PGK2: variants seen among roughly 807,000 people sequenced by gnomAD.
PGK2 encodes epididymis secretory protein Li 272.
A neutral mutation model predicts 5.2 loss-of-function variants in PGK2; 5 were observed. The observed-to-expected ratio is 0.96, with a 90% CI of 0.50 to 2.01. The LOEUF (loss-of-function observed/expected upper bound fraction) is 2.01, where lower values mean the gene tolerates loss of function less well. PGK2 is among the 30% of genes most tolerant of loss of function. The pLI, the probability that PGK2 is intolerant of heterozygous loss-of-function variation, is 0.01. For synonymous variants in PGK2, 210 were observed against 182.6 expected (o/e 1.15, Z -1.21); for missense variants, 588 against 506.8 (o/e 1.16, Z -1.54).
chr6:49,786,136 C>G lies in PGK2; in HGVS notation c.1052G>C (p.Gly351Ala), dbSNP rs1769901114. Residue 351 changes from glycine to alanine, a missense_variant, in exon 1 of 1, where the codon GGA becomes GCA. Transcript: ENST00000304801. ...GVFEWDAFAKGTKALMDEIVK... is the reference protein window; with the variant it reads ...GVFEWDAFAKATKALMDEIVK... The stretch of plus-strand genomic sequence containing the variant: ...AATTTCATCCATGAGGGCTTTGGTT[C>G]CCTTAGCAAAGGCATCCCATTCAAA... 6.2e-7 allele frequency: 1 copy of G among 1,613,982 alleles called. No homozygotes were observed. Among genetic ancestry groups the G allele is most frequent in the African/African-American group, 1.3e-5 (1 of 74,898 alleles).
Position 49,786,264 on chromosome 6 carries a change from A to C in PGK2, c.924T>G (p.Ser308=). 1.2e-6 allele frequency: 2 copies of C among 1,614,172 alleles called. No individual in the cohort carries two copies. Among genetic ancestry groups the C allele is most frequent in the South Asian group, 2.2e-5 (2 of 91,084 alleles). Residue 308 remains serine, a synonymous_variant, in exon 1 of 1, where the codon TCT becomes TCG. Coordinates refer to ENST00000304801, the MANE Select transcript of PGK2 (RefSeq NM_138733.5). ...VGKATVASGI[S]PGWMGLDCGP... ...CACAGTCCAAACCCATCCAGCCAGG[A>C]GATATGCCAGATGCTACAGTGGCTT...
In PGK2 at chr6:49,785,783, G is replaced by C. The variant is rs1048829902; in HGVS notation, c.*151C>G. 3.2e-6 allele frequency: 2 copies of C among 633,630 alleles called. No individual in the cohort carries two copies. The highest frequency in any genetic ancestry group is 4.0e-5 in the South Asian group (2 of 50,282). 39.3% of individuals were successfully genotyped at this position (633,630 alleles called of 1,614,324 possible). A position where few individuals can be genotyped will look rare whatever the true frequency, so the allele number is the denominator to read the frequency against. ...CCAAACTAAAATGAATTGCTGTGCT[G>C]ATATTAAGAGTTCCTGATGGCCTGC... is the stretch of plus-strand genomic sequence containing the variant. On this transcript the variant is annotated 3_prime_UTR_variant, in exon 1 of 1. Coordinates refer to ENST00000304801, the MANE Select transcript of PGK2 (RefSeq NM_138733.5).
rs145382583 is a variant in PGK2 at position 49,787,109 on chromosome 6, C to A, written c.79G>T (p.Val27Phe). ...KRVIMRVDFN[V>F]PMKKNQITNN... ...GTAATCTGGTTCTTCTTCATGGGAA[C>A]ATTGAAGTCTACTCTCATGATGACT... The change falls in exon 1 of 1, where the codon GTT (valine) becomes TTT (phenylalanine). Residue 27 changes from valine to phenylalanine, a missense_variant. Val to Phe is a conservative substitution (Grantham distance 50). Coordinates refer to ENST00000304801, the MANE Select transcript of PGK2 (RefSeq NM_138733.5). 3.1e-6 allele frequency: 5 copies of A among 1,613,460 alleles called. No individual in the cohort carries two copies. Among genetic ancestry groups the A allele is most frequent in the South Asian group, 1.1e-5 (1 of 91,072 alleles).
rs776872781 is a variant in PGK2, at chr6:49,786,021, G to T, written c.1167C>A (p.Val389=). The change falls in exon 1 of 1, where the codon GTC becomes GTA. Residue 389 remains valine, a synonymous_variant. Transcript: ENST00000304801. ...CACCGCCTCCAGTGCTGACATGGCT[G>T]ACTTTATCTTCAGTGTTCCATTTGG... The part of the protein sequence containing the change: ...CCAKWNTEDK[V]SHVSTGGGAS... The T allele has an allele frequency of 6.2e-7, 1 of 1,614,002 alleles. No individual in the cohort carries two copies. The highest frequency in any genetic ancestry group is 8.5e-7 in the Non-Finnish European group (1 of 1,179,970).
At position 49,787,282 on chromosome 6, in the gene PGK2, CT is replaced by C; in HGVS notation, c.-96del. 1.2e-6 allele frequency: 1 copy of C among 837,124 alleles called. No individual in the cohort carries two copies. The highest frequency in any genetic ancestry group is 2.0e-6 in the Non-Finnish European group (1 of 512,500). 51.9% of individuals were successfully genotyped at this position (837,124 alleles called of 1,614,324 possible). A position where few individuals can be genotyped will look rare whatever the true frequency, so the allele number is the denominator to read the frequency against. On this transcript the variant is annotated 5_prime_UTR_variant, in exon 1 of 1. Transcript: ENST00000304801. Reference sequence around the variant, plus strand: ...CTGGGTCGGTGGTGACTTCTAACGCCTTTGCCCTTGTCCCGCCCCTTTCTTC... The same window carrying C: ...CTGGGTCGGTGGTGACTTCTAACGCCTTGCCCTTGTCCCGCCCCTTTCTTC...
Position 49,786,899 on chromosome 6 carries a change from T to C in PGK2, c.289A>G (p.Lys97Glu). The change falls in exon 1 of 1, where the codon AAG becomes GAG. Residue 97 changes from lysine (K) to glutamate (E), a missense_variant. Coordinates refer to ENST00000304801, the MANE Select transcript of PGK2 (RefSeq NM_138733.5). ...TCCACTTCTGCGCCTACACAGTCCTTCAGGAACAGAACATCCTTGCCCAGC... is the reference window on the plus strand; with the variant it reads ...TCCACTTCTGCGCCTACACAGTCCTCCAGGAACAGAACATCCTTGCCCAGC... ...SLLGKDVLFL[K>E]DCVGAEVEKA... 1 of 1,614,040 alleles carries C rather than the reference T, an allele frequency of 6.2e-7. No homozygotes were observed. Among genetic ancestry groups the C allele is most frequent in the Non-Finnish European group, 8.5e-7 (1 of 1,179,996 alleles).
Position 49,786,296 on chromosome 6 carries a change from C to T in PGK2, c.892G>A (p.Val298Ile). ...TGDKFDENAQVGKATVASGIS... is the reference protein window; with the variant it reads ...TGDKFDENAQIGKATVASGIS... The stretch of plus-strand genomic sequence containing the variant: ...CCAGATGCTACAGTGGCTTTTCCAA[C>T]CTGAGCGTTCTCGTCAAACTTGTCC... Residue 298 changes from valine (V) to isoleucine (I), a missense_variant, in exon 1 of 1, where the codon GTT becomes ATT. Physicochemically the swap from Val to Ile is conservative, Grantham distance 29. Coordinates refer to ENST00000304801, the MANE Select transcript of PGK2 (RefSeq NM_138733.5). 1 of 1,614,148 alleles carries T rather than the reference C, an allele frequency of 6.2e-7. No homozygotes were observed. The highest frequency in any genetic ancestry group is 1.3e-5 in the African/African-American group (1 of 75,052).
chr6:49,787,106 G>C lies in PGK2; in HGVS notation c.82C>G (p.Pro28Ala). The C allele has an allele frequency of 6.2e-7, 1 of 1,613,242 alleles. No homozygotes were observed. Among genetic ancestry groups the C allele is most frequent in the East Asian group, 2.2e-5 (1 of 44,872 alleles). Reference sequence around the variant, plus strand: ...TTTGTAATCTGGTTCTTCTTCATGGGAACATTGAAGTCTACTCTCATGATG... The same window carrying C: ...TTTGTAATCTGGTTCTTCTTCATGGCAACATTGAAGTCTACTCTCATGATG... ...RVIMRVDFNVPMKKNQITNNQ... is the reference protein window; with the variant it reads ...RVIMRVDFNVAMKKNQITNNQ... Residue 28 changes from proline (P) to alanine (A), a missense_variant, in exon 1 of 1, where the codon CCC (proline) becomes GCC (alanine). Physicochemically the swap from Pro to Ala is conservative, Grantham distance 27 (BLOSUM62 -1). Transcript: ENST00000304801.
chr6:49,786,385 T>A lies in PGK2; in HGVS notation c.803A>T (p.Asp268Val). The A allele has an allele frequency of 5.6e-6, 9 of 1,614,104 alleles. No individual in the cohort carries two copies. Among genetic ancestry groups the A allele is most frequent in the Non-Finnish European group, 7.6e-6 (9 of 1,179,956 alleles). ...FDEEGAKIVK[D>V]IMAKAQKNGV... ...ATTCTTTTGTGCTTTGGCCATGATA[T>A]CTTTAACGATCTTGGCTCCCTCTTC... The change falls in exon 1 of 1, where the codon GAT becomes GTT. Residue 268 changes from aspartate (D) to valine (V), a missense_variant. Coordinates refer to ENST00000304801, the MANE Select transcript of PGK2 (RefSeq NM_138733.5).
rs1582220949 is a variant in PGK2 at position 49,785,684 on chromosome 6, A to G, written c.*250T>C. On this transcript the variant is annotated 3_prime_UTR_variant, in exon 1 of 1. Coordinates refer to ENST00000304801, the MANE Select transcript of PGK2 (RefSeq NM_138733.5). ...CTTCAGCTCACTTTCTTTAATAGGC[A>G]ACTTAAGAATATGTCCTCCCTAGAT... 1 of 397,498 alleles carries G rather than the reference A, an allele frequency of 2.5e-6. No homozygotes were observed. The highest frequency in any genetic ancestry group is 3.6e-5 in the East Asian group (1 of 27,756). The allele number at this position is 397,498 out of a possible 1,614,324, so 24.6% of individuals were successfully genotyped here. A position where few individuals can be genotyped will look rare whatever the true frequency, so the allele number is the denominator to read the frequency against.
chr6:49,786,068 C>T lies in PGK2; in HGVS notation c.1120G>A (p.Gly374Arg). Residue 374 changes from glycine (G) to arginine (R), a missense_variant, in exon 1 of 1, where the codon GGA becomes AGA. By Grantham distance (125) the Gly-to-Arg change is moderately radical. Coordinates refer to ENST00000304801, the MANE Select transcript of PGK2 (RefSeq NM_138733.5). ...TTGGCACAGCAAGTAGCAGTGTCTC[C>T]ACCCCCTATAACAGTGATGCAGCCC... ...SKGCITVIGG[G>R]DTATCCAKWN... The T allele has an allele frequency of 6.2e-7, 1 of 1,614,112 alleles. No homozygotes were observed. The highest frequency in any genetic ancestry group is 8.5e-7 in the Non-Finnish European group (1 of 1,180,006).
At position 49,785,815 on chromosome 6, in the gene PGK2, T is replaced by C; in HGVS notation, c.*119A>G. Reference sequence around the variant, plus strand: ...AGAGTTCCTGATGGCCTGCTGCTTGTCCATTACATAGGTCTTGATCTAGGA... The same window carrying C: ...AGAGTTCCTGATGGCCTGCTGCTTGCCCATTACATAGGTCTTGATCTAGGA... On this transcript the variant is annotated 3_prime_UTR_variant, in exon 1 of 1. Transcript: ENST00000304801. 1.3e-6 allele frequency: 1 copy of C among 754,816 alleles called. No individual in the cohort carries two copies. The highest frequency in any genetic ancestry group is 2.2e-6 in the Non-Finnish European group (1 of 460,930). 46.8% of individuals were successfully genotyped at this position (754,816 alleles called of 1,614,324 possible).
Position 49,786,826 on chromosome 6 carries a change from T to C in PGK2, c.362A>G (p.Asn121Ser). 1 of 1,614,100 alleles carries C rather than the reference T, an allele frequency of 6.2e-7. No homozygotes were observed. The highest frequency in any genetic ancestry group is 2.2e-5 in the East Asian group (1 of 44,872). ...PAPGSVILLE[N>S]LRFHVEEEGK... ...TTCTTCCTCCACATGAAAGCGCAGG[T>C]TCTCCAGCAGGATGACTGAACCAGG... Residue 121 changes from asparagine to serine, a missense_variant, in exon 1 of 1, where the codon AAC becomes AGC. Coordinates refer to ENST00000304801, the MANE Select transcript of PGK2 (RefSeq NM_138733.5).
rs1479536998 is a variant in PGK2 at position 49,786,167 on chromosome 6, C to T, written c.1021G>A (p.Gly341Arg). Residue 341 changes from glycine to arginine, a missense_variant, in exon 1 of 1, where the codon GGA becomes AGA. Coordinates refer to ENST00000304801, the MANE Select transcript of PGK2 (RefSeq NM_138733.5). ...GCAAAGGCATCCCATTCAAATACTC[C>T]TAACGGCCCATTCCAAACAATTAGC... is the stretch of plus-strand genomic sequence containing the variant. ...ARLIVWNGPL[G>R]VFEWDAFAKG... The T allele has an allele frequency of 1.2e-6, 2 of 1,614,134 alleles. No individual in the cohort carries two copies. Among genetic ancestry groups the T allele is most frequent in the Non-Finnish European group, 1.7e-6 (2 of 1,180,024 alleles).
In PGK2 at chr6:49,785,754, G is replaced by A. The variant is rs1056978512; in HGVS notation, c.*180C>T. On this transcript the variant is annotated 3_prime_UTR_variant, in exon 1 of 1. Coordinates refer to ENST00000304801, the MANE Select transcript of PGK2 (RefSeq NM_138733.5). ...AATGAGAACTTGAACAGGCAAATGC[G>A]TGACCAAACTAAAATGAATTGCTGT... 1.8e-5 allele frequency: 11 copies of A among 595,482 alleles called. No individual in the cohort carries two copies. Among genetic ancestry groups the A allele is most frequent in the Non-Finnish European group, 2.7e-5 (9 of 337,126 alleles). 36.9% of individuals were successfully genotyped at this position (595,482 alleles called of 1,614,324 possible). A position where few individuals can be genotyped will look rare whatever the true frequency, so the allele number is the denominator to read the frequency against.
rs140075530 is a variant in PGK2, at chr6:49,786,837, G to C, written c.351C>G (p.Ile117Met). ...ACANPAPGSV[I>M]LLENLRFHVE... is the part of the protein sequence containing the mutation. ...CATGAAAGCGCAGGTTCTCCAGCAGGATGACTGAACCAGGAGCTGGGTTGG... is the reference window on the plus strand; with the variant it reads ...CATGAAAGCGCAGGTTCTCCAGCAGCATGACTGAACCAGGAGCTGGGTTGG... Residue 117 changes from isoleucine (I) to methionine (M), a missense_variant, in exon 1 of 1, where the codon ATC becomes ATG. Coordinates refer to ENST00000304801, the MANE Select transcript of PGK2 (RefSeq NM_138733.5). 2.5e-6 allele frequency: 4 copies of C among 1,613,998 alleles called. No individual in the cohort carries two copies. In the African/African-American group the frequency reaches 4.0e-5, roughly 16 times the overall value.
rs368963439 is a variant in PGK2 at position 49,787,260 on chromosome 6, G to A, written c.-73C>T. The A allele has an allele frequency of 7.9e-6, 9 of 1,138,064 alleles. No individual in the cohort carries two copies. In the African/African-American group the frequency reaches 1.4e-4, roughly 17 times the overall value. The allele number at this position is 1,138,064 out of a possible 1,614,324, so 70.5% of individuals were successfully genotyped here. A position where few individuals can be genotyped will look rare whatever the true frequency, so the allele number is the denominator to read the frequency against. On this transcript the variant is annotated 5_prime_UTR_variant, in exon 1 of 1. Transcript: ENST00000304801. ...GAACCAACTTGCTGTTGAGGGGCTG[G>A]GTCGGTGGTGACTTCTAACGCCTTT...
Position 49,786,316 on chromosome 6 carries a change from T to G in PGK2, c.872A>C (p.Lys291Thr). 6.2e-7 allele frequency: 1 copy of G among 1,614,186 alleles called. No individual in the cohort carries two copies. Among genetic ancestry groups the G allele is most frequent in the African/African-American group, 1.3e-5 (1 of 75,046 alleles). Residue 291 changes from lysine (K) to threonine (T), a missense_variant, in exon 1 of 1, where the codon AAG becomes ACG. Physicochemically the swap from Lys to Thr is moderately conservative, Grantham distance 78. Transcript: ENST00000304801. ...TCCAACCTGAGCGTTCTCGTCAAAC[T>G]TGTCCCCAGTAACAAAATCAACAGG... ...TFPVDFVTGD[K>T]FDENAQVGKA...
Position 49,786,835 on chromosome 6 carries a change from A to T in PGK2, c.353T>A (p.Leu118Gln), listed in dbSNP as rs1463656137. The change falls in exon 1 of 1, where the codon CTG becomes CAG. Residue 118 changes from leucine (L) to glutamine (Q), a missense_variant. Transcript: ENST00000304801. The part of the protein sequence containing the change: ...CANPAPGSVI[L>Q]LENLRFHVEE... ...CACATGAAAGCGCAGGTTCTCCAGC[A>T]GGATGACTGAACCAGGAGCTGGGTT... 5.0e-6 allele frequency: 8 copies of T among 1,614,204 alleles called. No individual in the cohort carries two copies. The highest frequency in any genetic ancestry group is 1.7e-5 in the Admixed American group (1 of 60,018).
Sources: gnomAD v4.1 joint callset for allele counts on GRCh38, gnomAD v4.1.1 for gene constraint, MANE v1.5 for transcripts, NCBI Gene and HGNC (gene_info 2026-07-23, HGNC 2026-07-21) for gene names.